The following SLC35D4 variants were observed in gnomAD, a reference collection of about 807,000 sequenced individuals.
SLC35D4 encodes UDP-N-acetylglucosamine transporter SLC35D4.
the SLC35D4 span, among the ~76,000 whole-genome samples, chr18:23,421,674 C>CTTTTT: frequency 2.9e-5 from 4 of 136,416 alleles, no homozygotes; most frequent in East Asian, 2.1e-4. Flanking sequence ...TTCTTCTCCT[C>CTTTTT]TTTTTTTTTT....
the SLC35D4 span, among the ~76,000 whole-genome samples, chr18:23,336,677 C>T: frequency 6.6e-6 from 1 of 152,032 alleles, no homozygotes; most frequent in East Asian, 1.9e-4. Context: ...AAATGAGCTT[C>T]GAAACGTGAT....
the SLC35D4 span, among the ~76,000 whole-genome samples, chr18:23,416,949 A>G: frequency 0.026 from 3,980 of 152,270 alleles, 176 homozygotes; most frequent in African/African-American, 0.09. Context: ...CCTTCAAAAC[A>G]TCAATTAGAA....
chr18:23,377,002 T>C, the SLC35D4 span: 5 of 455,236 alleles, frequency 1.1e-5, no homozygotes, highest in Non-Finnish European at 2.2e-5. Context: ...ATATCTGCAG[T>C]AGAAATCCTA....
the SLC35D4 span, chr18:23,297,711 C>T: frequency 2.9e-6 from 1 of 347,234 alleles, no homozygotes; most frequent in South Asian, 2.8e-5. Context: ...TCTGCAGAAC[C>T]AGCTACAGCA....
the SLC35D4 span, among the ~76,000 whole-genome samples, chr18:23,310,766 C>G: frequency 1.3e-5 from 2 of 152,086 alleles, no homozygotes; most frequent in Non-Finnish European, 2.9e-5. Context: ...ATTACCATCT[C>G]AGAAAGAAGT....
chr18:23,280,205 C>T, the SLC35D4 span, among the ~76,000 whole-genome samples: 42 of 152,366 alleles, frequency 2.8e-4, no homozygotes, highest in Admixed American at 4.6e-4. Flanking sequence ...CTGGGGTGGG[C>T]GTGTGTGCGC....
At chr18:23,306,549 AC>A in the SLC35D4 span, among the ~76,000 whole-genome samples, 1 of 151,900 alleles carries the variant, frequency 6.6e-6, no homozygotes, top group Admixed American at 6.6e-5. Context: ...CAGGTGATCC[AC>A]CCGCCTCGGC....
chr18:23,298,134 T>A, the SLC35D4 span: 1 of 1,577,600 alleles, frequency 6.3e-7, no homozygotes, highest in Non-Finnish European at 8.7e-7. Flanking sequence ...GGCGCCCACA[T>A]ACGCAGGGCA....
the SLC35D4 span, among the ~76,000 whole-genome samples, chr18:23,254,408 G>A: frequency 1.3e-5 from 2 of 152,164 alleles, no homozygotes; most frequent in African/African-American, 4.8e-5. Flanking sequence ...AGGAAACATC[G>A]ATCTCCTTGG....
the SLC35D4 span, among the ~76,000 whole-genome samples, chr18:23,282,311 TC>T: frequency 1.3e-5 from 2 of 152,026 alleles, no homozygotes; most frequent in Non-Finnish European, 1.5e-5. Context: ...TCCTTCAGAC[TC>T]CCCCCCAGTT....
At chr18:23,398,524 A>C in the SLC35D4 span, among the ~76,000 whole-genome samples, 8 of 152,214 alleles carry the variant, frequency 5.3e-5, no homozygotes, top group African/African-American at 1.9e-4. Context: ...GTCTGAGCTG[A>C]GCAGCAACAT....
the SLC35D4 span, among the ~76,000 whole-genome samples, chr18:23,434,051 C>G: frequency 6.6e-6 from 1 of 152,178 alleles, no homozygotes. Context: ...TCTACTTAGT[C>G]CAAGCCGACC....
At chr18:23,250,395 G>A in the SLC35D4 span, among the ~76,000 whole-genome samples, 1 of 152,190 alleles carries the variant, frequency 6.6e-6, no homozygotes, top group Non-Finnish European at 1.5e-5. Flanking sequence ...TGGGAAACAG[G>A]AGGGTTGGCT....
At chr18:23,423,076 G>C in the SLC35D4 span, among the ~76,000 whole-genome samples, 1 of 152,032 alleles carries the variant, frequency 6.6e-6, no homozygotes, top group Non-Finnish European at 1.5e-5. Flanking sequence ...ACTTGCACCC[G>C]CCCCTCTCCA....
chr18:23,276,015 T>G, the SLC35D4 span, among the ~76,000 whole-genome samples: 2 of 152,130 alleles, frequency 1.3e-5, no homozygotes. Flanking sequence ...CAGAAATGGA[T>G]GGTGGTGATG....
At chr18:23,327,114 C>T in the SLC35D4 span, among the ~76,000 whole-genome samples, 12 of 152,162 alleles carry the variant, frequency 7.9e-5, no homozygotes, top group Admixed American at 5.9e-4. Context: ...CTAAAATCAA[C>T]ACCCTAACAT....
the SLC35D4 span, among the ~76,000 whole-genome samples, chr18:23,293,959 A>ATTTTTAT: frequency 1.1e-4 from 17 of 151,732 alleles, no homozygotes; most frequent in African/African-American, 3.9e-4. Context: ...TGCCTGGCTA[A>ATTTTTAT]TTTTTATTTT....
chr18:23,315,385 C>A, the SLC35D4 span, among the ~76,000 whole-genome samples: 133 of 152,218 alleles, frequency 8.7e-4, 1 homozygote, highest in Non-Finnish European at 1.6e-3. Context: ...GCACACCCAA[C>A]TGGATCAAGC....
the SLC35D4 span, among the ~76,000 whole-genome samples, chr18:23,282,790 A>C: frequency 6.6e-6 from 1 of 152,192 alleles, no homozygotes; most frequent in Non-Finnish European, 1.5e-5. Context: ...TGCAGAATGC[A>C]TGACCCTGGG....
Sources: gnomAD v4.1 joint callset for allele counts (sites outside exome capture counted in the v4.1 genomes callset) on GRCh38, gnomAD v4.1.1 for gene constraint, MANE v1.5 for transcripts, NCBI Gene and HGNC (gene_info 2026-07-23, HGNC 2026-07-21) for gene names.